KIAA0825: variants seen among roughly 807,000 people sequenced by gnomAD.
KIAA0825 encodes uncharacterized protein KIAA0825.
Under a neutral mutation model 147.6 loss-of-function variants are expected in KIAA0825, and 119 were observed. The ratio of observed to expected loss-of-function variants is 0.81; its 90% confidence interval spans 0.69 to 0.94. The LOEUF (loss-of-function observed/expected upper bound fraction) is 0.94, where lower values mean the gene tolerates loss of function less well. KIAA0825 is among the 40% of genes least tolerant of loss of function. KIAA0825 has a pLI of 0.00. For synonymous variants in KIAA0825, 470 were observed against 518.1 expected, an observed-to-expected ratio of 0.91 and a Z score of 1.26; for missense variants, 1,381 against 1,472.7, an observed-to-expected ratio of 0.94 and a Z score of 1.02.
chr5:94,486,605 C>A (rs937655165), intron 5 of KIAA0825, among the ~76,000 whole-genome samples: 6 of 152,078 alleles, frequency 3.9e-5, no homozygotes, highest in Non-Finnish European at 7.4e-5. Context: ...TTGACGTTAG[C>A]CCAATATACA....
At chr5:94,473,563 C>T (rs567541515) in intron 7 of KIAA0825, 44 bp from the exon 8 acceptor site, 3 of 1,185,380 alleles carry the variant, frequency 2.5e-6, no homozygotes, top group Non-Finnish European at 3.6e-6. Flanking sequence ...CTTAACTCAG[C>T]AACAAATGTT....
chr5:94,533,585 CAT>C (rs1771365581), intron 3 of KIAA0825, among the ~76,000 whole-genome samples: 1 of 152,078 alleles, frequency 6.6e-6, no homozygotes, highest in African/African-American at 2.4e-5. Context: ...TATGCTGTGT[CAT>C]ATTGTGAGCC....
intron 2 of KIAA0825, among the ~76,000 whole-genome samples, chr5:94,540,658 C>T (rs1193253035): frequency 6.6e-6 from 1 of 152,122 alleles, no homozygotes; most frequent in African/African-American, 2.4e-5. Flanking sequence ...AAGTGTAATG[C>T]CTTTCATTTA....
At chr5:94,249,459 T>C (rs1441090180) in intron 20 of KIAA0825, among the ~76,000 whole-genome samples, 2 of 152,102 alleles carry the variant, frequency 1.3e-5, no homozygotes, top group Admixed American at 1.3e-4. Context: ...GTGAGGCCTC[T>C]TGTTAAAAAT....
At chr5:94,238,523 G>C (rs373116632) in intron 20 of KIAA0825, among the ~76,000 whole-genome samples, 1 of 152,062 alleles carries the variant, frequency 6.6e-6, no homozygotes, top group Admixed American at 6.6e-5. Context: ...AAGAGTTTTG[G>C]TTATGTTCAC....
intron 14 of KIAA0825, among the ~76,000 whole-genome samples, chr5:94,425,105 A>G (rs1283607435): frequency 1.3e-5 from 2 of 152,216 alleles, no homozygotes; most frequent in Non-Finnish European, 2.9e-5. Flanking sequence ...AAGAGTAAAA[A>G]GAAGGGAATG....
chr5:94,339,943 T>C (rs1320790055), intron 20 of KIAA0825, among the ~76,000 whole-genome samples: 3 of 152,220 alleles, frequency 2.0e-5, no homozygotes, highest in Admixed American at 2.0e-4. Flanking sequence ...CCAATCTTAC[T>C]TTCTTCAATT....
chr5:94,159,001 G>A (rs1767299194), intron 20 of KIAA0825, among the ~76,000 whole-genome samples: 1 of 152,200 alleles, frequency 6.6e-6, no homozygotes, highest in African/African-American at 2.4e-5. Context: ...GGGGATAATT[G>A]TCCTCATCTA....
intron 14 of KIAA0825, among the ~76,000 whole-genome samples, chr5:94,417,878 T>A (rs530086023): frequency 6.6e-6 from 1 of 152,302 alleles, no homozygotes; most frequent in South Asian, 2.1e-4. Context: ...CCTTGTCATA[T>A]CAGACTGAAG....
intron 7 of KIAA0825, among the ~76,000 whole-genome samples, chr5:94,474,446 C>T (rs1398192858): frequency 6.6e-6 from 1 of 152,150 alleles, no homozygotes; most frequent in Non-Finnish European, 1.5e-5. Flanking sequence ...ATGTCCCTGA[C>T]TGAATCACTT....
chr5:94,273,494 C>T (rs904967227), intron 20 of KIAA0825, among the ~76,000 whole-genome samples: 5 of 152,072 alleles, frequency 3.3e-5, no homozygotes, highest in Non-Finnish European at 5.9e-5. Flanking sequence ...TTACTGATCC[C>T]GTCACCCAGA....
At chr5:94,428,090 G>C (rs916037842) in intron 14 of KIAA0825, among the ~76,000 whole-genome samples, 1 of 151,774 alleles carries the variant, frequency 6.6e-6, no homozygotes, top group African/African-American at 2.4e-5. Context: ...GAGCCTATGG[G>C]TGTCATTACA....
At chr5:94,469,913 TA>T in intron 10 of KIAA0825, 47 bp downstream of exon 10, 1 of 1,460,818 alleles carries the variant, frequency 6.8e-7, no homozygotes, top group Non-Finnish European at 9.2e-7. Flanking sequence ...AGGTACGCAG[TA>T]AAACATATTT....
intron 2 of KIAA0825, among the ~76,000 whole-genome samples, chr5:94,575,000 A>C (rs1441708232): frequency 6.6e-6 from 1 of 152,206 alleles, no homozygotes; most frequent in African/African-American, 2.4e-5. Flanking sequence ...CCTTGTAATT[A>C]AAGTGATGAG....
In KIAA0825 at chr5:94,594,503, A is replaced by G. The variant is rs1175485873; in HGVS notation, c.-152-11920T>C. ...TTCTTTATGGAAGCCATAATATAAC[A>G]TTGGGACAACTACCAGAAATGCCCT... On this transcript the variant is annotated intron_variant, in intron 1 of 20. Transcript: ENST00000682413. 4.0e-6 allele frequency: 3 copies of G among 747,304 alleles called. No individual in the cohort carries two copies. The East Asian group carries it at 7.6e-5, about 19-fold the overall frequency. The allele number at this position is 747,304 out of a possible 1,614,324, so 46.3% of individuals were successfully genotyped here.
At chr5:94,517,983 A>G (rs2151197049) in intron 5 of KIAA0825, among the ~76,000 whole-genome samples, 1 of 152,222 alleles carries the variant, frequency 6.6e-6, no homozygotes, top group East Asian at 1.9e-4. Context: ...TGGAGATAAT[A>G]AATAATGGTA....
chr5:94,213,817 C>T (rs2150049356), intron 20 of KIAA0825, among the ~76,000 whole-genome samples: 1 of 152,280 alleles, frequency 6.6e-6, no homozygotes, highest in African/African-American at 2.4e-5. Flanking sequence ...GCTGTTGCTC[C>T]TAATCTGCAT....
chr5:94,505,340 G>A (rs1239002021), intron 5 of KIAA0825, among the ~76,000 whole-genome samples: 2 of 151,094 alleles, frequency 1.3e-5, no homozygotes, highest in East Asian at 3.9e-4. Context: ...CAGCCTGGGT[G>A]GCAGAGCGAG....
intron 20 of KIAA0825, among the ~76,000 whole-genome samples, chr5:94,167,770 T>A (rs2149938563): frequency 6.6e-6 from 1 of 151,984 alleles, no homozygotes; most frequent in East Asian, 1.9e-4. Context: ...ATTACAGAGG[T>A]TCCATGAAAT....
Sources: gnomAD v4.1 joint callset for allele counts (sites outside exome capture counted in the v4.1 genomes callset) on GRCh38, gnomAD v4.1.1 for gene constraint, MANE v1.5 for transcripts, NCBI Gene and HGNC (gene_info 2026-07-23, HGNC 2026-07-21) for gene names.